Variants in ZAN observed in about 807,000 individuals in gnomAD.
ZAN encodes the protein zonadhesin.
In ZAN, 260 loss-of-function variants were observed where a neutral mutation model predicts 286.2. The ratio of observed to expected loss-of-function variants is 0.91; its 90% CI spans 0.82 to 1.01. The LOEUF is 1.01. Among genes scored for constraint, ZAN ranks in the 50% least tolerant of loss-of-function variants. The pLI, the probability that ZAN is intolerant of heterozygous loss-of-function variation, is 0.00. For synonymous variants in ZAN, 1,368 were observed against 1,417.5 expected (o/e 0.97, Z 0.79); for missense variants, 3,410 against 3,639.2 (o/e 0.94, Z 1.62).
chr7:100,745,308 C>A (rs1808118312), intron 7 of ZAN, among the ~76,000 whole-genome samples: 1 of 151,752 alleles, frequency 6.6e-6, no homozygotes, highest in Non-Finnish European at 1.5e-5. Context: ...TCTTCGCCGC[C>A]GCTCAGGATC....
chr7:100,768,099 G>A, intron 26 of ZAN, 88 bp downstream of exon 26: 1 of 1,449,624 alleles, frequency 6.9e-7, no homozygotes, highest in South Asian at 1.4e-5. Context: ...TCTGTGAGGT[G>A]TTCTAAGTAC....
intron 39 of ZAN, 59 bp downstream of exon 39, chr7:100,789,406 A>G: frequency 6.3e-7 from 1 of 1,595,544 alleles, no homozygotes; most frequent in Non-Finnish European, 8.6e-7. Context: ...GGGAGGGAAA[A>G]TCCTATTTAA....
At chr7:100,754,894 G>A (rs934608963) in intron 14 of ZAN, among the ~76,000 whole-genome samples, 4 of 152,028 alleles carry the variant, frequency 2.6e-5, no homozygotes, top group Admixed American at 6.6e-5. Flanking sequence ...TGTCCGCCTC[G>A]GTTTACCAAA....
chr7:100,788,059 A>G lies in ZAN; in HGVS notation c.7150A>G (p.Ser2384Gly), dbSNP rs781728712. Residue 2384 changes from serine (S) to glycine (G), a missense_variant, in exon 38 of 48, where the codon AGC (serine) becomes GGC (glycine). Physicochemically the swap from Ser to Gly is moderately conservative, Grantham distance 56. Coordinates refer to ENST00000613979, the MANE Select transcript of ZAN (RefSeq NM_003386.3). Reference protein sequence around the residue: ...EGRNKMDPPRSSIFLQEVITT... With the variant: ...EGRNKMDPPRGSIFLQEVITT... ...ACGCAACAAGATGGATCCGCCCAGG[A>G]GCTCCATCTTCTTGCAGGAAGTGAT... is the stretch of plus-strand genomic sequence containing the variant. 1.3e-6 allele frequency: 2 copies of G among 1,589,534 alleles called. No individual in the cohort carries two copies. The highest frequency in any genetic ancestry group is 1.7e-6 in the Non-Finnish European group (2 of 1,163,498).
intron 45 of ZAN, 51 bp from the exon 46 acceptor site, chr7:100,797,315 C>T (rs1812423454): frequency 6.3e-7 from 1 of 1,575,654 alleles, no homozygotes; most frequent in Non-Finnish European, 8.7e-7. Flanking sequence ...CCTCAGTCCC[C>T]ACCCTTCCCG....
At chr7:100,748,974 G>A (rs900747632) in intron 11 of ZAN, among the ~76,000 whole-genome samples, 2 of 152,142 alleles carry the variant, frequency 1.3e-5, no homozygotes, top group Non-Finnish European at 2.9e-5. Flanking sequence ...AGTCAAGGCT[G>A]CAGTGAGCTA....
At chr7:100,779,276 G>C (rs1334070341) in intron 34 of ZAN, among the ~76,000 whole-genome samples, 170 bp from the exon 35 acceptor site, 1 of 151,970 alleles carries the variant, frequency 6.6e-6, no homozygotes, top group Non-Finnish European at 1.5e-5. Context: ...GGCTGAGTGA[G>C]ACAGGAGAAT....
chr7:100,770,061 G>T (rs1360877134), intron 28 of ZAN, 87 bp downstream of exon 28: 6 of 1,312,570 alleles, frequency 4.6e-6, no homozygotes, highest in Non-Finnish European at 6.3e-6. Flanking sequence ...GAAACAACAA[G>T]ACCAGAAACA....
At chr7:100,791,920 A>C (rs764430628) in intron 40 of ZAN, 46 bp from the exon 41 acceptor site, 5 of 1,552,922 alleles carry the variant, frequency 3.2e-6, no homozygotes, top group Admixed American at 1.9e-5. Context: ...CCCCCACTTC[A>C]CCTTCCTTGG....
rs1811538036 is a variant in ZAN at position 100,785,980 on chromosome 7, T to C, written c.6835-17T>C. 6.2e-7 allele frequency: 1 copy of C among 1,609,602 alleles called. No homozygotes were observed. Among genetic ancestry groups the C allele is most frequent in the African/African-American group, 1.3e-5 (1 of 74,870 alleles). On this transcript the variant is annotated splice_polypyrimidine_tract_variant and intron_variant, in intron 36 of 47. Coordinates refer to ENST00000613979, the MANE Select transcript of ZAN (RefSeq NM_003386.3). ...AGCCCCCTCCTCACTCTCTTTCTCTTCCTGTAACTTCTACAGCTGGGCAAG... is the reference window on the plus strand; with the variant it reads ...AGCCCCCTCCTCACTCTCTTTCTCTCCCTGTAACTTCTACAGCTGGGCAAG...
At chr7:100,783,755 A>ATATATATATAT (rs1381899741) in intron 35 of ZAN, among the ~76,000 whole-genome samples, 1 of 26,928 alleles carries the variant, frequency 3.7e-5, no homozygotes, top group African/African-American at 1.8e-4. Flanking sequence ...AAAAAAAAAA[A>ATATATATATAT]AAAAAAAAAT....
Position 100,759,859 on chromosome 7 carries a change from C to T in ZAN, c.3696+14C>T. ...AGACGCACTCTGGTGAGCCCCATTCCACCCCCACCATCCTTGCAGGGTCTG... is the reference window on the plus strand; with the variant it reads ...AGACGCACTCTGGTGAGCCCCATTCTACCCCCACCATCCTTGCAGGGTCTG... On this transcript the variant is annotated intron_variant, in intron 18 of 47. Transcript: ENST00000613979. 1 of 1,610,582 alleles carries T rather than the reference C, an allele frequency of 6.2e-7. No homozygotes were observed. The highest frequency in any genetic ancestry group is 1.1e-5 in the South Asian group (1 of 90,480).
At chr7:100,796,919 CT>C (rs1812399768) in intron 45 of ZAN, among the ~76,000 whole-genome samples, 1 of 152,074 alleles carries the variant, frequency 6.6e-6, no homozygotes, top group Admixed American at 6.6e-5. Context: ...GGGAGGATCA[CT>C]TGAGCCAGGA....
intron 15 of ZAN, among the ~76,000 whole-genome samples, chr7:100,756,364 C>T (rs947809149): frequency 2.6e-5 from 4 of 151,622 alleles, no homozygotes; most frequent in East Asian, 1.9e-4. Context: ...AGGAGTCTGA[C>T]GCTGCAGTGA....
chr7:100,734,280 AT>A, intron 2 of ZAN, 59 bp downstream of exon 2: 1 of 1,197,032 alleles, frequency 8.4e-7, no homozygotes, highest in Non-Finnish European at 1.2e-6. Flanking sequence ...GCTGTAAGGA[AT>A]ATGGAAGGAC....
chr7:100,787,921 C>G lies in ZAN; in HGVS notation c.7012C>G (p.Arg2338Gly), dbSNP rs761907611. Residue 2338 changes from arginine (R) to glycine (G), a missense_variant, in exon 38 of 48, where the codon CGT becomes GGT. Transcript: ENST00000613979. ...ACAATGCTCAGTCTATGGCGACCCC[C>G]GTTACCTCACATTTGACGGCTTCAG... ...SEQCSVYGDP[R>G]YLTFDGFSYR... The G allele has an allele frequency of 1.3e-6, 2 of 1,577,448 alleles. No homozygotes were observed. The highest frequency in any genetic ancestry group is 8.7e-7 in the Non-Finnish European group (1 of 1,155,202).
At chr7:100,770,956 A>T (rs1396958590) in intron 28 of ZAN, among the ~76,000 whole-genome samples, 1 of 152,134 alleles carries the variant, frequency 6.6e-6, no homozygotes, top group Non-Finnish European at 1.5e-5. Flanking sequence ...GGCCTGTGCC[A>T]CCACACCCGG....
intron 34 of ZAN, 79 bp downstream of exon 34, chr7:100,776,643 TCCCTC>T (rs71126336): frequency 0.37 from 276,669 of 748,444 alleles, 73,167 homozygotes; most frequent in Middle Eastern, 0.56. Context: ...TCCCTTCCCT[TCCCTC>T]CCCTCCCCTC....
At chr7:100,746,801 G>A in intron 8 of ZAN, 99 bp downstream of exon 8, 1 of 1,397,542 alleles carries the variant, frequency 7.2e-7, no homozygotes, top group Non-Finnish European at 9.9e-7. Context: ...GTCTAGGGAG[G>A]TCTGGAATAT....
Sources: gnomAD v4.1 joint callset for allele counts (sites outside exome capture counted in the v4.1 genomes callset) on GRCh38, gnomAD v4.1.1 for gene constraint, MANE v1.5 for transcripts, NCBI Gene and HGNC (gene_info 2026-07-23, HGNC 2026-07-21) for gene names.